GOLPH3L: variants seen among roughly 807,000 people sequenced by gnomAD.
GOLPH3L encodes golgi phosphoprotein 3 like.
GOLPH3L carries 22 observed loss-of-function variants against 30.3 expected under a neutral mutation model. The observed-to-expected ratio is 0.73, with a 90% CI of 0.52 to 1.04. GOLPH3L has a LOEUF of 1.04. Among genes scored for constraint, GOLPH3L ranks in the 50% least tolerant of loss-of-function variants. The pLI is 0.00. For missense variants in GOLPH3L, 303 were observed against 345.8 expected, an observed-to-expected ratio of 0.88 and a Z score of 0.98; for synonymous variants, 120 against 128.2, an observed-to-expected ratio of 0.94 and a Z score of 0.43.
In GOLPH3L at chr1:150,694,646, A is replaced by T. The variant is rs878928396; in HGVS notation, c.183+10T>A. ...TCTTTGAGATAGCCTAGCAAACCTA[A>T]CTGCATTACCTCTTTATCTTTTAGT... is the stretch of plus-strand genomic sequence containing the variant. On this transcript the variant is annotated intron_variant, in intron 2 of 4. Coordinates refer to ENST00000271732, the MANE Select transcript of GOLPH3L (RefSeq NM_018178.6). 1 of 1,556,352 alleles carries T rather than the reference A, an allele frequency of 6.4e-7. No individual in the cohort carries two copies. The highest frequency in any genetic ancestry group is 1.2e-5 in the South Asian group (1 of 84,746).
chr1:150,675,779 C>CAAA (rs58158655), intron 2 of GOLPH3L, among the ~76,000 whole-genome samples: 4 of 49,264 alleles, frequency 8.1e-5, no homozygotes, highest in Admixed American at 3.8e-4. Context: ...GACTCTGTCT[C>CAAA]AAAAAAAAAA....
intron 2 of GOLPH3L, among the ~76,000 whole-genome samples, chr1:150,668,008 A>T (rs1650549071): frequency 6.6e-6 from 1 of 152,164 alleles, no homozygotes; most frequent in Non-Finnish European, 1.5e-5. Flanking sequence ...CGTTAAGTAC[A>T]GGGGTCACAT....
At chr1:150,675,389 T>G (rs1207005025) in intron 2 of GOLPH3L, among the ~76,000 whole-genome samples, 1 of 151,968 alleles carries the variant, frequency 6.6e-6, no homozygotes, top group South Asian at 2.1e-4. Context: ...TACCCTATGA[T>G]CATATGGGTG....
intron 2 of GOLPH3L, among the ~76,000 whole-genome samples, chr1:150,664,341 C>CT (rs1163034028): frequency 1.3e-5 from 2 of 151,922 alleles, no homozygotes; most frequent in African/African-American, 4.8e-5. Flanking sequence ...AGAATTTTGG[C>CT]TTTTTTGAAG....
intron 4 of GOLPH3L, among the ~76,000 whole-genome samples, chr1:150,651,642 C>CAAAAAAAAAAAAAAAAAAAA: frequency 1.6e-5 from 1 of 60,826 alleles, no homozygotes; most frequent in Non-Finnish European, 3.0e-5. Context: ...GAGCGAAACT[C>CAAAAAAAAAAAAAAAAAAAA]AAAAAAAAAA....
chr1:150,696,717 A>G (rs1651364375), intron 1 of GOLPH3L, among the ~76,000 whole-genome samples: 1 of 145,654 alleles, frequency 6.9e-6, no homozygotes, highest in Admixed American at 7.1e-5. Flanking sequence ...TAAGCGCACT[A>G]AGCCTATCTG....
At position 150,648,374 on chromosome 1, in the gene GOLPH3L, G is replaced by T; in HGVS notation, c.805C>A (p.Pro269Thr). ...ELDPEVEGTK[P>T]SATEMIWAVL... is the part of the protein sequence containing the mutation. The stretch of plus-strand genomic sequence containing the variant: ...GCCCAGATCATTTCTGTGGCACTAG[G>T]CTTTGTCCCTTCCACTTCAGGGTCC... The change falls in exon 5 of 5, where the codon CCT becomes ACT. Residue 269 changes from proline (P) to threonine (T), a missense_variant. Pro to Thr is a conservative substitution (Grantham distance 38, BLOSUM62 -1). Transcript: ENST00000271732. The T allele has an allele frequency of 6.2e-7, 1 of 1,613,844 alleles. No homozygotes were observed. The highest frequency in any genetic ancestry group is 8.5e-7 in the Non-Finnish European group (1 of 1,179,826).
At chr1:150,683,463 G>A (rs1167102772) in intron 2 of GOLPH3L, among the ~76,000 whole-genome samples, 1 of 150,062 alleles carries the variant, frequency 6.7e-6, no homozygotes, top group Non-Finnish European at 1.5e-5. Context: ...GTGAACCCGG[G>A]AGGCGGAGCT....
chr1:150,671,549 G>A (rs189374637), intron 2 of GOLPH3L, among the ~76,000 whole-genome samples: 9 of 152,198 alleles, frequency 5.9e-5, no homozygotes, highest in East Asian at 1.9e-4. Context: ...GCTCACGCCT[G>A]TAATCCCAGC....
intron 2 of GOLPH3L, among the ~76,000 whole-genome samples, chr1:150,691,017 G>A (rs1389400111): frequency 1.3e-5 from 2 of 152,170 alleles, no homozygotes; most frequent in Non-Finnish European, 2.9e-5. Flanking sequence ...CTATGGCCCA[G>A]GTGCAGTGGC....
intron 1 of GOLPH3L, among the ~76,000 whole-genome samples, chr1:150,695,210 C>A (rs924102405): frequency 1.3e-5 from 2 of 152,120 alleles, no homozygotes; most frequent in Non-Finnish European, 2.9e-5. Context: ...GATGTTGGCT[C>A]ACTGCAACCT....
At chr1:150,686,301 A>C (rs1651085255) in intron 2 of GOLPH3L, among the ~76,000 whole-genome samples, 1 of 152,104 alleles carries the variant, frequency 6.6e-6, no homozygotes, top group Non-Finnish European at 1.5e-5. Context: ...TGCAGCTTCG[A>C]ACTCCTGGGC....
intron 1 of GOLPH3L, among the ~76,000 whole-genome samples, chr1:150,695,936 C>A (rs1307968177): frequency 6.6e-6 from 1 of 151,880 alleles, no homozygotes; most frequent in African/African-American, 2.4e-5. Flanking sequence ...GTCTTTTATT[C>A]TATGTACTAC....
intron 2 of GOLPH3L, among the ~76,000 whole-genome samples, chr1:150,677,542 A>C (rs1431762867): frequency 3.3e-5 from 5 of 151,892 alleles, no homozygotes; most frequent in Non-Finnish European, 7.4e-5. Flanking sequence ...CCCAGCCTAC[A>C]TGTGTAATTT....
chr1:150,648,762 G>A lies in GOLPH3L; in HGVS notation c.431-14C>T, dbSNP rs1194791800. The A allele has an allele frequency of 6.5e-7, 1 of 1,542,324 alleles. No homozygotes were observed. ...TCCAGGTCTCACCTATGAGAAAAAA[G>A]AAATAGGACATAATGAACTGAAAGA... On this transcript the variant is annotated splice_polypyrimidine_tract_variant and intron_variant, in intron 4 of 4. Coordinates refer to ENST00000271732, the MANE Select transcript of GOLPH3L (RefSeq NM_018178.6).
intron 2 of GOLPH3L, among the ~76,000 whole-genome samples, chr1:150,672,980 T>G (rs16839405): frequency 1.1e-3 from 166 of 152,154 alleles, no homozygotes; most frequent in African/African-American, 3.8e-3. Context: ...AGTTTATTAG[T>G]TTTTGCAGGG....
intron 2 of GOLPH3L, among the ~76,000 whole-genome samples, chr1:150,682,398 C>T (rs1650975856): frequency 6.6e-6 from 1 of 151,860 alleles, no homozygotes; most frequent in African/African-American, 2.4e-5. Flanking sequence ...GAGGCTGAGG[C>T]AGGTAGATCA....
At chr1:150,672,867 T>C (rs1008633668) in intron 2 of GOLPH3L, among the ~76,000 whole-genome samples, 1 of 152,196 alleles carries the variant, frequency 6.6e-6, no homozygotes, top group Admixed American at 6.5e-5. Context: ...ATTATAAATA[T>C]AGGCAAATGG....
chr1:150,689,478 A>G (rs940808425), intron 2 of GOLPH3L, among the ~76,000 whole-genome samples: 21 of 152,170 alleles, frequency 1.4e-4, no homozygotes, highest in African/African-American at 5.1e-4. Context: ...AGATAAACCT[A>G]TTTTATTTTG....
Sources: gnomAD v4.1 joint callset for allele counts (sites outside exome capture counted in the v4.1 genomes callset) on GRCh38, gnomAD v4.1.1 for gene constraint, MANE v1.5 for transcripts, NCBI Gene and HGNC (gene_info 2026-07-23, HGNC 2026-07-21) for gene names.